The following CCSER2 variants were observed in gnomAD, a reference collection of about 807,000 sequenced individuals.
CCSER2 encodes coiled-coil serine rich protein 2.
CCSER2 carries 46 observed loss-of-function variants against 92.3 expected under a neutral mutation model. The ratio of observed to expected loss-of-function variants is 0.50; its 90% CI spans 0.39 to 0.64. CCSER2 has a LOEUF of 0.64. Among genes scored for constraint, CCSER2 ranks in the 30% least tolerant of loss-of-function variants. CCSER2 has a pLI of 0.00. For missense variants in CCSER2, 1,244 were observed against 1,238.9 expected (o/e 1.00, Z -0.06); for synonymous variants, 433 against 431.4 (o/e 1.00, Z -0.04).
At chr10:84,338,880 TG>T (rs1227224349) in intron 1 of CCSER2, among the ~76,000 whole-genome samples, 1 of 152,178 alleles carries the variant, frequency 6.6e-6, no homozygotes. Context: ...CCTCTTTTCG[TG>T]GTTCATTTAT....
intron 6 of CCSER2, among the ~76,000 whole-genome samples, chr10:84,446,225 T>C (rs1844906670): frequency 6.6e-6 from 1 of 152,230 alleles, no homozygotes; most frequent in Admixed American, 6.5e-5. Flanking sequence ...AAATATTTGA[T>C]TCCTATGATT....
intron 6 of CCSER2, among the ~76,000 whole-genome samples, chr10:84,447,504 G>C (rs540574454): frequency 5.9e-5 from 9 of 152,180 alleles, no homozygotes; most frequent in African/African-American, 1.9e-4. Flanking sequence ...TTTTTTCACT[G>C]TCTGATATCC....
intron 3 of CCSER2, among the ~76,000 whole-genome samples, chr10:84,409,395 C>G (rs1366290304): frequency 6.6e-6 from 1 of 152,134 alleles, no homozygotes; most frequent in Non-Finnish European, 1.5e-5. Flanking sequence ...CTGCCTCAGC[C>G]TCCCAAAGTG....
intron 9 of CCSER2, among the ~76,000 whole-genome samples, chr10:84,499,348 C>CTGGT (rs1848603687): frequency 6.6e-6 from 1 of 152,124 alleles, no homozygotes; most frequent in Non-Finnish European, 1.5e-5. Flanking sequence ...TTTGGCCAGG[C>CTGGT]TGGTCTTCAA....
At chr10:84,337,843 G>A (rs1330199676) in intron 1 of CCSER2, among the ~76,000 whole-genome samples, 3 of 152,122 alleles carry the variant, frequency 2.0e-5, no homozygotes, top group Admixed American at 6.6e-5. Flanking sequence ...CAGGAGAGAG[G>A]GTATTATCAC....
At position 84,514,232 on chromosome 10, in the gene CCSER2, C is replaced by T. The variant is rs936472463; in HGVS notation, c.3109C>T (p.Arg1037Ter). 1.9e-5 allele frequency: 29 copies of T among 1,536,188 alleles called. No individual in the cohort carries two copies. The highest frequency in any genetic ancestry group is 2.4e-5 in the Non-Finnish European group (27 of 1,146,900). ...TTCTGGGGATTGTTTGGCCTCTAAT[C>T]GATATTCTCGTCTTCCTAAACCAAA... The part of the protein sequence containing the change: ...LHSGDCLASN[R>*]YSRLPKPKIH The change falls in exon 10 of 10, where the codon CGA (arginine) becomes TGA (stop). Residue 1037 changes from arginine (R) to a stop codon, truncating the protein, a stop_gained. Transcript: ENST00000372088. LOFTEE classifies it high-confidence loss of function.
At chr10:84,392,855 T>C (rs1841603535) in intron 3 of CCSER2, among the ~76,000 whole-genome samples, 3 of 152,160 alleles carry the variant, frequency 2.0e-5, no homozygotes, top group Admixed American at 2.0e-4. Flanking sequence ...GGATATAATT[T>C]GATGGTTGCA....
At chr10:84,337,382 G>C (rs369150290) in intron 1 of CCSER2, among the ~76,000 whole-genome samples, 4 of 152,194 alleles carry the variant, frequency 2.6e-5, no homozygotes, top group Admixed American at 2.6e-4. Flanking sequence ...AGGAGCGAGT[G>C]AGTAATCAGC....
rs528519927 is a variant in CCSER2 at position 84,481,865 on chromosome 10, A to G, written c.2325+4201A>G. Among the ~76,000 whole-genome samples, 11 of 152,274 alleles carry G rather than the reference A, an allele frequency of 7.2e-5. No homozygotes were observed. The South Asian group carries it at 2.3e-3, about 32-fold the overall frequency. On this transcript the variant is annotated intron_variant, in intron 9 of 9. Transcript: ENST00000372088. The stretch of plus-strand genomic sequence containing the variant: ...TCCAGAATTGAGAATGCCCTACTCT[A>G]GAGCGGCACAGTCCTATACAACTTT...
intron 9 of CCSER2, among the ~76,000 whole-genome samples, chr10:84,500,521 G>A (rs1423777863): frequency 6.6e-6 from 1 of 152,198 alleles, no homozygotes; most frequent in Non-Finnish European, 1.5e-5. Context: ...CAGCTTTACA[G>A]CACAGAAGAA....
chr10:84,491,607 G>T (rs1235175554), intron 9 of CCSER2, among the ~76,000 whole-genome samples: 1 of 152,112 alleles, frequency 6.6e-6, no homozygotes, highest in Non-Finnish European at 1.5e-5. Flanking sequence ...TATTAGAGTG[G>T]GAGTGACCTG....
Position 84,395,567 on chromosome 10 carries a change from G to A in CCSER2, c.1614+21752G>A, listed in dbSNP as rs566472103. The stretch of plus-strand genomic sequence containing the variant: ...CTAGTGGCATTTGTGTGGTACTTCC[G>A]CAATCTTTTATCCCTTTCCTGGTCC... On this transcript the variant is annotated intron_variant, in intron 3 of 9. Transcript: ENST00000372088. Among the ~76,000 whole-genome samples the A allele has an allele frequency of 1.1e-4, 17 of 152,202 alleles. 3 individuals are homozygous for A. In the Middle Eastern group the frequency reaches 0.014, roughly 122 times the overall value.
intron 9 of CCSER2, among the ~76,000 whole-genome samples, chr10:84,507,686 A>C (rs1416641181): frequency 6.6e-6 from 1 of 152,222 alleles, no homozygotes; most frequent in African/African-American, 2.4e-5. Flanking sequence ...AAGAATGCTT[A>C]TGAAAACTGG....
intron 6 of CCSER2, among the ~76,000 whole-genome samples, chr10:84,441,870 C>A (rs1844589634): frequency 6.7e-6 from 1 of 149,798 alleles, no homozygotes; most frequent in African/African-American, 2.5e-5. Flanking sequence ...CATTCTCCTG[C>A]CTCAGCCTCC....
rs1413432821 is a variant in CCSER2, at chr10:84,457,409, TA to T, written c.2065-6518del. 3.2e-3 allele frequency among the ~76,000 whole-genome samples: 235 copies of T among 72,646 alleles called. 1 individual carries two copies. Among genetic ancestry groups the T allele is most frequent in the African/African-American group, 0.012 (219 of 18,496 alleles). The allele number at this position is 72,646 out of a possible 152,430, so 47.7% of individuals were successfully genotyped here. A position where few individuals can be genotyped will look rare whatever the true frequency, so the allele number is the denominator to read the frequency against. On this transcript the variant is annotated intron_variant, in intron 6 of 9. Coordinates refer to ENST00000372088, the MANE Select transcript of CCSER2 (RefSeq NM_001284240.2). ...TATATATTTATTTAAATATATATTT[TA>T]AAAAATATATTTAAAATTATATTTA...
intron 3 of CCSER2, among the ~76,000 whole-genome samples, chr10:84,403,072 A>G (rs1842202170): frequency 6.6e-6 from 1 of 152,204 alleles, no homozygotes; most frequent in Non-Finnish European, 1.5e-5. Context: ...TAATAGTTAC[A>G]GTCATCAAGA....
chr10:84,385,953 A>G (rs193155194), intron 3 of CCSER2, among the ~76,000 whole-genome samples: 1 of 152,368 alleles, frequency 6.6e-6, no homozygotes, highest in Admixed American at 6.5e-5. Flanking sequence ...AAAAGAAGAC[A>G]TACAAGCAGC....
At chr10:84,483,819 C>T (rs1289077462) in intron 9 of CCSER2, among the ~76,000 whole-genome samples, 2 of 140,430 alleles carry the variant, frequency 1.4e-5, no homozygotes, top group African/African-American at 5.3e-5. Flanking sequence ...TGGAATCTCT[C>T]TCTCTTGCCC....
chr10:84,511,854 T>C (rs768988948), intron 9 of CCSER2, among the ~76,000 whole-genome samples: 6 of 152,210 alleles, frequency 3.9e-5, no homozygotes, highest in Non-Finnish European at 8.8e-5. Context: ...GACAGTTCAT[T>C]CATTTTTGTG....
Sources: gnomAD v4.1 joint callset for allele counts (sites outside exome capture counted in the v4.1 genomes callset) on GRCh38, gnomAD v4.1.1 for gene constraint, MANE v1.5 for transcripts, NCBI Gene and HGNC (gene_info 2026-07-23, HGNC 2026-07-21) for gene names.